Variants in MYOM2 observed in about 807,000 individuals in gnomAD.
MYOM2 encodes the protein myomesin-2.
A neutral mutation model predicts 187.6 loss-of-function variants in MYOM2; 254 were observed. That is an observed-to-expected ratio of 1.35 (90% CI 1.22 to 1.50). MYOM2 has a LOEUF of 1.50. Ranked by LOEUF, MYOM2 falls within the 40% of genes most tolerant of loss-of-function variation. The pLI is 0.00. For synonymous variants in MYOM2, 981 were observed against 753.8 expected (o/e 1.30, Z -4.94); for missense variants, 2,796 against 1,924.0 (o/e 1.45, Z -8.48).
At chr8:2,091,017 T>C (rs1238960442) in intron 15 of MYOM2, among the ~76,000 whole-genome samples, 1 of 7,036 alleles carries the variant, frequency 1.4e-4, no homozygotes, top group African/African-American at 3.3e-4. Flanking sequence ...ATGATAGTTC[T>C]TTTTTTTTTT....
At chr8:2,058,677 T>C (rs1239056807) in intron 5 of MYOM2, among the ~76,000 whole-genome samples, 1 of 152,202 alleles carries the variant, frequency 6.6e-6, no homozygotes, top group Non-Finnish European at 1.5e-5. Flanking sequence ...GAAGACAGGC[T>C]TGGGAGGCTG....
chr8:2,121,838 A>T (rs1797470263), intron 28 of MYOM2, among the ~76,000 whole-genome samples: 1 of 152,246 alleles, frequency 6.6e-6, no homozygotes, highest in African/African-American at 2.4e-5. Context: ...CATGGGCCAT[A>T]CGTAGCCTAA....
intron 35 of MYOM2, 107 bp from the exon 36 acceptor site, chr8:2,143,294 A>G (rs1798342312): frequency 3.9e-6 from 5 of 1,273,636 alleles, no homozygotes; most frequent in Non-Finnish European, 5.7e-6. Context: ...TCCTGAGCAT[A>G]AACTCCTCAC....
intron 31 of MYOM2, among the ~76,000 whole-genome samples, chr8:2,126,840 G>C (rs1427681413): frequency 7.2e-6 from 1 of 139,176 alleles, no homozygotes; most frequent in Non-Finnish European, 1.6e-5. Flanking sequence ...ACTGGGAGAG[G>C]TTGATAGAGG....
intron 6 of MYOM2, among the ~76,000 whole-genome samples, chr8:2,063,726 A>G (rs1818922898): frequency 6.6e-6 from 1 of 152,234 alleles, no homozygotes; most frequent in Non-Finnish European, 1.5e-5. Flanking sequence ...GCTGCCCATG[A>G]GAATTGATAT....
chr8:2,092,388 C>T lies in MYOM2; in HGVS notation c.1871C>T (p.Thr624Ile), dbSNP rs757758751. The T allele has an allele frequency of 6.2e-7, 1 of 1,614,134 alleles. No homozygotes were observed. Among genetic ancestry groups the T allele is most frequent in the Non-Finnish European group, 8.5e-7 (1 of 1,180,024 alleles). Residue 624 changes from threonine (T) to isoleucine (I), a missense_variant, in exon 16 of 37, where the codon ACC becomes ATC. Coordinates refer to ENST00000262113, the MANE Select transcript of MYOM2 (RefSeq NM_003970.4). The stretch of plus-strand genomic sequence containing the variant: ...GGTCGGGTTCTTGCTTCCCGAAACA[C>T]CAAGACGTCGGTGGTGGTGCAGTGG... ...APGRVLASRN[T>I]KTSVVVQWDR...
At chr8:2,126,502 G>A (rs996423838) in intron 31 of MYOM2, among the ~76,000 whole-genome samples, 1 of 151,968 alleles carries the variant, frequency 6.6e-6, no homozygotes, top group African/African-American at 2.4e-5. Context: ...ACTTACATGT[G>A]AACTCACACA....
chr8:2,073,501 G>C lies in MYOM2; in HGVS notation c.1120+1G>C, dbSNP rs372949130. ...CACAGCGCCTTCCTGTTTGTCAGAG[G>C]TGCGGGCAGCAGGGTTCTCAGGGTG... On this transcript the variant is annotated splice_donor_variant, in intron 10 of 36. Coordinates refer to ENST00000262113, the MANE Select transcript of MYOM2 (RefSeq NM_003970.4). LOFTEE classifies it high-confidence loss of function. 30 of 1,599,292 alleles carry C rather than the reference G, an allele frequency of 1.9e-5. No individual in the cohort carries two copies. Among genetic ancestry groups the C allele is most frequent in the Non-Finnish European group, 2.5e-5 (29 of 1,177,566 alleles).
In MYOM2 at chr8:2,085,278, C is replaced by T. The variant is rs764301395; in HGVS notation, c.1532C>T (p.Pro511Leu). 1.7e-5 allele frequency: 27 copies of T among 1,614,000 alleles called. No homozygotes were observed. The highest frequency in any genetic ancestry group is 2.7e-5 in the African/African-American group (2 of 74,936). ...QDDLEGDAQV[P>L]GPPTGVHASE... Reference sequence around the variant, plus strand: ...ATTCCTCCAGGTGACGCCCAGGTTCCAGGGCCTCCCACCGGTGTGCACGCT... The same window carrying T: ...ATTCCTCCAGGTGACGCCCAGGTTCTAGGGCCTCCCACCGGTGTGCACGCT... Residue 511 changes from proline (P) to leucine (L), a missense_variant, in exon 14 of 37, where the codon CCA becomes CTA. Physicochemically the swap from Pro to Leu is moderately conservative, Grantham distance 98. Transcript: ENST00000262113.
intron 6 of MYOM2, among the ~76,000 whole-genome samples, chr8:2,068,763 C>G (rs1217531587): frequency 1.3e-5 from 2 of 152,264 alleles, no homozygotes; most frequent in East Asian, 1.9e-4. Context: ...TGGAATGGAC[C>G]CCCCCGCCAT....
At position 2,109,421 on chromosome 8, in the gene MYOM2, T is replaced by G. The variant is rs1413982973; in HGVS notation, c.3070T>G (p.Tyr1024Asp). The G allele has an allele frequency of 6.2e-7, 1 of 1,610,874 alleles. No individual in the cohort carries two copies. Among genetic ancestry groups the G allele is most frequent in the African/African-American group, 1.3e-5 (1 of 74,678 alleles). Residue 1024 changes from tyrosine to aspartate, a missense_variant, in exon 25 of 37, where the codon TAT becomes GAT. Coordinates refer to ENST00000262113, the MANE Select transcript of MYOM2 (RefSeq NM_003970.4). ...PTIPLKSELA[Y>D]EIFDKGRVRF... The stretch of plus-strand genomic sequence containing the variant: ...AATTCCTCTGAAATCGGAATTAGCT[T>G]ATGAGATTTTTGATAAGGGGCGGGT...
intron 23 of MYOM2, among the ~76,000 whole-genome samples, chr8:2,106,982 A>G (rs3817709): frequency 0.18 from 27,977 of 152,100 alleles, 3,202 homozygotes; most frequent in East Asian, 0.35. Flanking sequence ...CAGATGATCA[A>G]AGAAAAATTT....
At position 2,128,716 on chromosome 8, in the gene MYOM2, C is replaced by T. The variant is rs112798461; in HGVS notation, c.3695-411C>T. Reference sequence around the variant, plus strand: ...CCGAGGTGCTCCCATCTGCTTGACTCCCACCTGAAAGAGTCCTGCTAAATC... The same window carrying T: ...CCGAGGTGCTCCCATCTGCTTGACTTCCACCTGAAAGAGTCCTGCTAAATC... On this transcript the variant is annotated intron_variant, in intron 31 of 36. Transcript: ENST00000262113. 9.6e-3 allele frequency among the ~76,000 whole-genome samples: 1,463 copies of T among 152,316 alleles called. 10 individuals carry two copies. The highest frequency in any genetic ancestry group is 0.013 in the Non-Finnish European group (899 of 68,040).
intron 23 of MYOM2, among the ~76,000 whole-genome samples, chr8:2,108,301 A>T (rs1352226302): frequency 2.7e-5 from 4 of 148,216 alleles, no homozygotes; most frequent in African/African-American, 7.4e-5. Flanking sequence ...TTTTTTTTTT[A>T]AATTCATGGT....
chr8:2,066,460 C>T (rs900527307), intron 6 of MYOM2, among the ~76,000 whole-genome samples: 1 of 151,970 alleles, frequency 6.6e-6, no homozygotes, highest in Non-Finnish European at 1.5e-5. Flanking sequence ...GGGGTGGGAT[C>T]GTTGTAGAGG....
At chr8:2,048,087 C>G (rs1818366699) in intron 1 of MYOM2, among the ~76,000 whole-genome samples, 1 of 152,236 alleles carries the variant, frequency 6.6e-6, no homozygotes, top group African/African-American at 2.4e-5. Flanking sequence ...CATTTTGACT[C>G]TTCCCTTTAC....
chr8:2,091,621 G>T (rs927288370), intron 15 of MYOM2, among the ~76,000 whole-genome samples: 2 of 152,216 alleles, frequency 1.3e-5, no homozygotes, highest in African/African-American at 2.4e-5. Context: ...AGGTCACGAG[G>T]CCGGCTGCCT....
intron 11 of MYOM2, 31 bp from the exon 12 acceptor site, chr8:2,078,703 T>C (rs1167160897): frequency 1.9e-6 from 3 of 1,609,366 alleles, no homozygotes; most frequent in Non-Finnish European, 2.6e-6. Context: ...CATTTGCTAT[T>C]CTCTGTTGTT....
chr8:2,076,061 T>C, intron 10 of MYOM2, 80 bp from the exon 11 acceptor site: 1 of 1,379,372 alleles, frequency 7.2e-7, no homozygotes. Flanking sequence ...GAATTGGAGC[T>C]TGGAGGAGCT....
Sources: allele counts gnomAD v4.1 joint callset (sites outside exome capture counted in the v4.1 genomes callset), GRCh38; gene constraint gnomAD v4.1.1; transcripts MANE v1.5; gene names NCBI Gene and HGNC (gene_info 2026-07-23, HGNC 2026-07-21).